The following INPP5B variants were observed in gnomAD, a reference collection of about 807,000 sequenced individuals.
INPP5B encodes the protein inositol polyphosphate-5-phosphatase B.
Under a neutral mutation model 118.5 loss-of-function variants are expected in INPP5B, and 90 were observed. That is an observed-to-expected ratio of 0.76 (90% CI 0.64 to 0.90). The LOEUF (loss-of-function observed/expected upper bound fraction) is 0.90, where lower values mean the gene tolerates loss of function less well. INPP5B is among the 40% of genes least tolerant of loss of function. The probability of loss-of-function intolerance (pLI) is 0.00; values close to 1 mark genes in which losing one functional copy is unlikely to be tolerated. For missense variants in INPP5B, 984 were observed against 1,125.6 expected (o/e 0.87, Z 1.80); for synonymous variants, 385 against 418.9 (o/e 0.92, Z 0.99).
intron 7 of INPP5B, among the ~76,000 whole-genome samples, chr1:37,908,454 G>A (rs190168634): frequency 1.9e-4 from 29 of 152,152 alleles, no homozygotes; most frequent in African/African-American, 4.3e-4. Context: ...ACAAGGAGAC[G>A]GCCAGGTGCG....
intron 16 of INPP5B, among the ~76,000 whole-genome samples, chr1:37,876,555 A>T (rs1488601431): frequency 4.6e-4 from 65 of 141,548 alleles, no homozygotes; most frequent in African/African-American, 1.5e-3. Context: ...GTCTCTTTAA[A>T]AAAAAAAAAA....
chr1:37,940,503 C>T (rs114784934), intron 6 of INPP5B, among the ~76,000 whole-genome samples, 185 bp downstream of exon 6: 2,177 of 152,298 alleles, frequency 0.014, 22 homozygotes, highest in Non-Finnish European at 0.02. Flanking sequence ...ACTCCAGAAA[C>T]TGTAAACACA....
rs1363981752 is a variant in INPP5B, at chr1:37,945,739, C to G, written c.152+17G>C. On this transcript the variant is annotated intron_variant, in intron 3 of 23. Coordinates refer to ENST00000373024, the MANE Select transcript of INPP5B (RefSeq NM_005540.3). ...ACCCCATGGCCCAGACAGGTGGGGA[C>G]CAAGCCCCTCACTCACGCGTGTTCC... 6.2e-7 allele frequency: 1 copy of G among 1,602,710 alleles called. No individual in the cohort carries two copies. The highest frequency in any genetic ancestry group is 8.5e-7 in the Non-Finnish European group (1 of 1,170,426).
At chr1:37,923,960 T>G (rs1217775039) in intron 7 of INPP5B, among the ~76,000 whole-genome samples, 2 of 152,020 alleles carry the variant, frequency 1.3e-5, no homozygotes, top group Non-Finnish European at 2.9e-5. Context: ...GTATTTTTAG[T>G]AAAGACAGGT....
intron 5 of INPP5B, among the ~76,000 whole-genome samples, 193 bp from the exon 6 acceptor site, chr1:37,940,991 C>G (rs1164625056): frequency 6.6e-6 from 1 of 152,114 alleles, no homozygotes; most frequent in Non-Finnish European, 1.5e-5. Context: ...ACATCATCCC[C>G]TCTTTATACA....
intron 7 of INPP5B, among the ~76,000 whole-genome samples, chr1:37,916,411 AT>A (rs1350598234): frequency 7.0e-3 from 28 of 4,018 alleles, no homozygotes; most frequent in East Asian, 0.015. Flanking sequence ...TTTTTCTTTC[AT>A]TTTTTTTTTT....
chr1:37,934,788 A>G (rs1001012623), intron 6 of INPP5B, among the ~76,000 whole-genome samples: 3 of 152,178 alleles, frequency 2.0e-5, no homozygotes, highest in Admixed American at 1.3e-4. Context: ...ATCCTAAAAG[A>G]AAGAAGTCAT....
At chr1:37,887,270 G>T in intron 11 of INPP5B, 81 bp downstream of exon 11, 1 of 924,966 alleles carries the variant, frequency 1.1e-6, no homozygotes, top group Non-Finnish European at 1.7e-6. Flanking sequence ...TAAGATAAAG[G>T]TCATGGAAAA....
chr1:37,878,478 G>A, intron 15 of INPP5B, 155 bp from the exon 16 acceptor site: 5 of 985,328 alleles, frequency 5.1e-6, no homozygotes, highest in Non-Finnish European at 6.0e-6. Context: ...GGCCCACCAA[G>A]GGATAACATG....
intron 23 of INPP5B, 78 bp downstream of exon 23, chr1:37,864,234 G>A (rs1349160680): frequency 2.6e-6 from 2 of 782,720 alleles, no homozygotes; most frequent in South Asian, 1.6e-5. Context: ...AAGGGACCTG[G>A]GACCCTCCTC....
intron 2 of INPP5B, 57 bp downstream of exon 2, chr1:37,946,195 A>G: frequency 6.5e-7 from 1 of 1,530,438 alleles, no homozygotes; most frequent in South Asian, 1.2e-5. Flanking sequence ...GACACCTTCC[A>G]TTCCTCTTCC....
At chr1:37,898,051 G>A (rs1644188864) in intron 7 of INPP5B, among the ~76,000 whole-genome samples, 1 of 152,134 alleles carries the variant, frequency 6.6e-6, no homozygotes, top group African/African-American at 2.4e-5. Context: ...TTCAACAGAT[G>A]AATAAACTGT....
chr1:37,872,952 G>A lies in INPP5B; in HGVS notation c.2165C>T (p.Pro722Leu), dbSNP rs749302964. Residue 722 changes from proline (P) to leucine (L), a missense_variant, in exon 19 of 24, where the codon CCA becomes CTA. By Grantham distance (98) the Pro-to-Leu change is moderately conservative. Around this residue, in one of 2 missense-constraint regions of INPP5B, gnomAD observed 634 missense variants for 791.0 expected, o/e 0.80. Transcript: ENST00000373024. ...CACCAGCTCACTAATGGTTTCAAGTGGTAGGTCCAAGATTGGCTCTCTCAT... is the reference window on the plus strand; with the variant it reads ...CACCAGCTCACTAATGGTTTCAAGTAGTAGGTCCAAGATTGGCTCTCTCAT... ...CYMREPILDL[P>L]LETISELTLM... 1 of 1,613,712 alleles carries A rather than the reference G, an allele frequency of 6.2e-7. No homozygotes were observed. The highest frequency in any genetic ancestry group is 8.5e-7 in the Non-Finnish European group (1 of 1,179,788).
In INPP5B at chr1:37,927,336, G is replaced by A. The variant is rs569065608; in HGVS notation, c.532+4577C>T. Among the ~76,000 whole-genome samples, 21 of 151,882 alleles carry A rather than the reference G, an allele frequency of 1.4e-4. No homozygotes were observed. The East Asian group carries it at 3.9e-3, about 28-fold the overall frequency. On this transcript the variant is annotated intron_variant, in intron 7 of 23. Transcript: ENST00000373024. Reference sequence around the variant, plus strand: ...AGTTAAATAAGTGCAGGAGCAGAAAGACTCCTACCAATCTACCGATTCAAC... The same window carrying A: ...AGTTAAATAAGTGCAGGAGCAGAAAAACTCCTACCAATCTACCGATTCAAC...
At chr1:37,911,572 A>AAC (rs1644700057) in intron 7 of INPP5B, among the ~76,000 whole-genome samples, 1 of 151,918 alleles carries the variant, frequency 6.6e-6, no homozygotes, top group Non-Finnish European at 1.5e-5. Context: ...TACCACTCTG[A>AAC]CCCCCTCCAC....
rs529874480 is a variant in INPP5B, at chr1:37,862,359, T to C, written c.2698A>G (p.Lys900Glu). The C allele has an allele frequency of 3.5e-5, 56 of 1,613,952 alleles. No homozygotes were observed. The highest frequency in any genetic ancestry group is 1.7e-4 in the Middle Eastern group (1 of 6,058). Residue 900 changes from lysine to glutamate, a missense_variant, in exon 24 of 24, where the codon AAG becomes GAG. Lys to Glu is a moderately conservative substitution (Grantham distance 56). Coordinates refer to ENST00000373024, the MANE Select transcript of INPP5B (RefSeq NM_005540.3). ...HQKLDMTEKK[K>E]AQEFIHQFLC... ...AACTGGTGAATAAATTCTTGAGCCT[T>C]CTTCTTCTCTGTCATATCAAGCTTT...
chr1:37,882,096 C>A (rs1214452117), intron 14 of INPP5B, among the ~76,000 whole-genome samples: 18 of 145,152 alleles, frequency 1.2e-4, no homozygotes, highest in African/African-American at 4.1e-4. Flanking sequence ...AAGACTCTGT[C>A]TCAAAAAAAA....
At chr1:37,895,746 C>T (rs1644013258) in intron 7 of INPP5B, among the ~76,000 whole-genome samples, 1 of 152,198 alleles carries the variant, frequency 6.6e-6, no homozygotes, top group Non-Finnish European at 1.5e-5. Context: ...AGCTCCTAAC[C>T]GCGAGTGATC....
At position 37,878,193 on chromosome 1, in the gene INPP5B, T is replaced by C. The variant is rs756640187; in HGVS notation, c.1672A>G (p.Ile558Val). The C allele has an allele frequency of 3.7e-6, 6 of 1,614,018 alleles. No individual in the cohort carries two copies. The highest frequency in any genetic ancestry group is 2.2e-5 in the East Asian group (1 of 44,874). ...AGGTACCAGCTGCCACCTACCCCGATGTCAAACACTGAGCTGACAGGCTTG... is the reference window on the plus strand; with the variant it reads ...AGGTACCAGCTGCCACCTACCCCGACGTCAAACACTGAGCTGACAGGCTTG... The part of the protein sequence containing the change: ...DHKPVSSVFD[I>V]GVRVVNDELY... Residue 558 changes from isoleucine to valine, a missense_variant, in exon 16 of 24, where the codon ATC (isoleucine) becomes GTC (valine). Around this residue, in one of 2 missense-constraint regions of INPP5B, gnomAD observed 634 missense variants for 791.0 expected, o/e 0.80. Transcript: ENST00000373024.
Sources: gnomAD v4.1 joint callset for allele counts (sites outside exome capture counted in the v4.1 genomes callset) on GRCh38, gnomAD v4.1.1 for gene constraint, gnomAD v4.1.1 regional missense constraint, MANE v1.5 for transcripts, NCBI Gene and HGNC (gene_info 2026-07-23, HGNC 2026-07-21) for gene names.